Variants in NXN observed in about 807,000 individuals in gnomAD.
The protein encoded by NXN is nucleoredoxin, also known as nucleoredoxin 1.
In NXN, 16 loss-of-function variants were observed where a neutral mutation model predicts 48.6. The ratio of observed to expected loss-of-function variants is 0.33; its 90% CI spans 0.22 to 0.50. The LOEUF (loss-of-function observed/expected upper bound fraction) is 0.50. Among genes scored for constraint, NXN ranks in the 20% least tolerant of loss-of-function variants. NXN has a pLI of 0.98. For missense variants in NXN, 492 were observed against 605.5 expected (o/e 0.81, Z 1.97); for synonymous variants, 281 against 269.6 (o/e 1.04, Z -0.41).
intron 1 of NXN, among the ~76,000 whole-genome samples, chr17:840,987 G>A (rs557549193): frequency 6.6e-6 from 1 of 152,346 alleles, no homozygotes; most frequent in South Asian, 2.1e-4. Flanking sequence ...GAGGCAGAGT[G>A]TAGGGTGAGA....
chr17:806,964 A>G (rs562025748), intron 5 of NXN, among the ~76,000 whole-genome samples: 4 of 152,206 alleles, frequency 2.6e-5, no homozygotes, highest in African/African-American at 9.6e-5. Context: ...GCCCACACAC[A>G]CATGCGGCCG....
intron 1 of NXN, among the ~76,000 whole-genome samples, chr17:838,126 C>CTTTTTTTTTTTTT (rs66721481): frequency 1.0e-5 from 1 of 99,188 alleles, no homozygotes; most frequent in African/African-American, 4.2e-5. Flanking sequence ...TCCTTTCCTT[C>CTTTTTTTTTTTTT]TTTTTTTTTT....
intron 1 of NXN, among the ~76,000 whole-genome samples, chr17:863,684 A>G (rs1260745718): frequency 1.3e-5 from 2 of 151,690 alleles, no homozygotes; most frequent in Admixed American, 6.6e-5. Context: ...GCTGGTCTTG[A>G]ACTCCTGGGC....
intron 1 of NXN, among the ~76,000 whole-genome samples, chr17:934,816 G>A (rs1463696071): frequency 6.6e-6 from 1 of 152,028 alleles, no homozygotes; most frequent in East Asian, 1.9e-4. Context: ...GGAGGGTGCA[G>A]TGAGCCGAGA....
At chr17:889,765 G>GAAAGAAAC (rs2068395715) in intron 1 of NXN, among the ~76,000 whole-genome samples, 4 of 135,626 alleles carry the variant, frequency 2.9e-5, no homozygotes, top group Non-Finnish European at 6.3e-5. Context: ...GAAAGAAAAA[G>GAAAGAAAC]AAAGAAAGAA....
chr17:904,286 C>T (rs953133481), intron 1 of NXN, among the ~76,000 whole-genome samples: 1 of 75,410 alleles, frequency 1.3e-5, no homozygotes, highest in Non-Finnish European at 3.6e-5. Context: ...GCGGGCTGCC[C>T]GGACGTCGGA....
chr17:925,517 T>G (rs1428579333), intron 1 of NXN, among the ~76,000 whole-genome samples: 1 of 152,120 alleles, frequency 6.6e-6, no homozygotes, highest in African/African-American at 2.4e-5. Flanking sequence ...GCCTCCCGAG[T>G]AGCTGGGATT....
At chr17:930,774 CTTTT>C (rs66910992) in intron 1 of NXN, among the ~76,000 whole-genome samples, 1 of 142,378 alleles carries the variant, frequency 7.0e-6, no homozygotes, top group Non-Finnish European at 1.5e-5. Context: ...GTTGAGTTTG[CTTTT>C]TTTTTTTTTT....
At chr17:923,886 G>A (rs1164286279) in intron 1 of NXN, among the ~76,000 whole-genome samples, 4 of 152,142 alleles carry the variant, frequency 2.6e-5, no homozygotes, top group African/African-American at 7.2e-5. Context: ...GAGAATATTC[G>A]TGAGATAGTT....
intron 1 of NXN, among the ~76,000 whole-genome samples, chr17:972,161 G>C (rs751705137): frequency 3.3e-5 from 5 of 152,198 alleles, no homozygotes; most frequent in African/African-American, 1.2e-4. Flanking sequence ...TTAGCCGGGC[G>C]TGGTGGCACA....
intron 5 of NXN, among the ~76,000 whole-genome samples, chr17:812,846 G>A (rs181104935): frequency 0.012 from 1,781 of 145,690 alleles, 24 homozygotes; most frequent in South Asian, 0.043. Context: ...GAGTGTAGGT[G>A]TGTGCATGTG....
At chr17:888,694 C>G (rs1172636174) in intron 1 of NXN, among the ~76,000 whole-genome samples, 1 of 151,794 alleles carries the variant, frequency 6.6e-6, no homozygotes, top group South Asian at 2.1e-4. Flanking sequence ...GTGGCTCGCA[C>G]CTGTAATCCC....
chr17:819,780 A>G (rs762956184), intron 4 of NXN, among the ~76,000 whole-genome samples: 6 of 152,030 alleles, frequency 3.9e-5, no homozygotes. Context: ...AGCCCACTTC[A>G]GCAGCTCCCA....
Position 958,383 on chromosome 17 carries a change from G to A in NXN, c.360+20936C>T, listed in dbSNP as rs142706665. On this transcript the variant is annotated intron_variant, in intron 1 of 7. Coordinates refer to ENST00000336868, the MANE Select transcript of NXN (RefSeq NM_022463.5). The surrounding 1 kb of genome is among the most constrained non-coding windows in gnomAD (Gnocchi z 6.9). ...TGGAAGCAGCAGGGCGCGGTGGCTC[G>A]CACCTGTCATCCCAGTGCCTGGGAA... 5.3e-4 allele frequency among the ~76,000 whole-genome samples: 80 copies of A among 152,238 alleles called. 2 individuals carry two copies. The East Asian group carries it at 0.011, about 21-fold the overall frequency.
At chr17:921,322 C>G (rs1597243796) in intron 1 of NXN, among the ~76,000 whole-genome samples, 2 of 152,146 alleles carry the variant, frequency 1.3e-5, no homozygotes, top group African/African-American at 4.8e-5. Context: ...TCCTCCTACC[C>G]CGGCTCCCTC....
chr17:934,691 C>T lies in NXN; in HGVS notation c.360+44628G>A, dbSNP rs58545062. ...GAGTTCGGGACCAGCCTGGCCAACA[C>T]GGTGAAACCCCATCTCTACTAAAAA... is the stretch of plus-strand genomic sequence containing the variant. On this transcript the variant is annotated intron_variant, in intron 1 of 7. Transcript: ENST00000336868. Among the ~76,000 whole-genome samples the T allele has an allele frequency of 4.0e-5, 6 of 151,684 alleles. No homozygotes were observed. The East Asian group carries it at 5.9e-4, about 15-fold the overall frequency.
intron 1 of NXN, among the ~76,000 whole-genome samples, chr17:948,180 C>T (rs1258004122): frequency 6.6e-6 from 1 of 152,062 alleles, no homozygotes; most frequent in African/African-American, 2.4e-5. Flanking sequence ...AGGTATTACT[C>T]ATAATACATT....
At chr17:844,480 C>T (rs952747740) in intron 1 of NXN, among the ~76,000 whole-genome samples, 2 of 152,212 alleles carry the variant, frequency 1.3e-5, no homozygotes, top group African/African-American at 4.8e-5. Flanking sequence ...TCCTGTGGCT[C>T]GGAACAAGCT....
chr17:890,824 G>T (rs1435418862), intron 1 of NXN, among the ~76,000 whole-genome samples: 1 of 152,086 alleles, frequency 6.6e-6, no homozygotes, highest in Non-Finnish European at 1.5e-5. Context: ...AAGGGAGTGA[G>T]TTTGGCTTTT....
Sources: gnomAD v4.1 joint callset for allele counts (sites outside exome capture counted in the v4.1 genomes callset) on GRCh38, gnomAD v4.1.1 for gene constraint, Gnocchi (gnomAD v3.1) non-coding constraint, MANE v1.5 for transcripts, NCBI Gene and HGNC (gene_info 2026-07-23, HGNC 2026-07-21) for gene names.